LEO1: variants seen among roughly 807,000 people sequenced by gnomAD.
The protein encoded by LEO1 is RNA polymerase-associated protein LEO1.
In LEO1, 34 loss-of-function variants were observed where a neutral mutation model predicts 80.4. The observed-to-expected ratio is 0.42, with a 90% CI of 0.32 to 0.56. LEO1 has a LOEUF of 0.56. Ranked by LOEUF, LEO1 falls within the 20% of genes least tolerant of loss-of-function variation. LEO1 has a pLI of 0.10. For missense variants in LEO1, 631 were observed against 814.2 expected, an observed-to-expected ratio of 0.77 and a Z score of 2.74; for synonymous variants, 262 against 274.9, an observed-to-expected ratio of 0.95 and a Z score of 0.46.
chr15:51,962,944 A>C lies in LEO1; in HGVS notation c.815-451T>G, dbSNP rs545986336. 4.5e-4 allele frequency among the ~76,000 whole-genome samples: 65 copies of C among 144,940 alleles called. No individual in the cohort carries two copies. The East Asian group carries it at 0.012, about 26-fold the overall frequency. ...GAACATGCCCCCCCCCCAAAAAATT[A>C]ACTCTAGTGTGTGTTAATTTAAAAA... is the stretch of plus-strand genomic sequence containing the variant. On this transcript the variant is annotated intron_variant, in intron 2 of 11. Transcript: ENST00000299601.
chr15:51,954,326 G>A (rs1383659764), intron 7 of LEO1, among the ~76,000 whole-genome samples, 155 bp downstream of exon 7: 1 of 151,830 alleles, frequency 6.6e-6, no homozygotes, highest in African/African-American at 2.4e-5. Context: ...AGGCTCCACT[G>A]AGCTGTTATC....
Position 51,953,112 on chromosome 15 carries a change from A to G in LEO1, c.1475+17T>C, listed in dbSNP as rs758616625. ...CTTTTACCATAAGAAATAATACATA[A>G]TAATAATAACAGTTACCTGAAGGTG... On this transcript the variant is annotated intron_variant, in intron 8 of 11. Coordinates refer to ENST00000299601, the MANE Select transcript of LEO1 (RefSeq NM_138792.4). The G allele has an allele frequency of 5.6e-6, 9 of 1,597,928 alleles. No homozygotes were observed. The African/African-American group carries it at 9.4e-5, about 17-fold the overall frequency.
intron 4 of LEO1, 30 bp downstream of exon 4, chr15:51,960,609 T>C (rs1277509164): frequency 7.9e-7 from 1 of 1,273,458 alleles, no homozygotes; most frequent in Non-Finnish European, 1.1e-6. Flanking sequence ...TGCCTGGCCT[T>C]GAATAAGTTC....
chr15:51,947,418 AC>A, intron 10 of LEO1, 29 bp from the exon 11 acceptor site: 1 of 1,479,270 alleles, frequency 6.8e-7, no homozygotes, highest in Non-Finnish European at 9.2e-7. Context: ...ATTGTGAGTC[AC>A]CTTTTTTTTT....
chr15:51,956,150 G>A (rs1428676873), intron 6 of LEO1, among the ~76,000 whole-genome samples: 1 of 152,100 alleles, frequency 6.6e-6, no homozygotes, highest in Non-Finnish European at 1.5e-5. Context: ...CGGGTGCAGG[G>A]CTCACACCTG....
chr15:51,956,773 C>A (rs1390947571), intron 6 of LEO1, among the ~76,000 whole-genome samples: 1 of 152,134 alleles, frequency 6.6e-6, no homozygotes, highest in Non-Finnish European at 1.5e-5. Context: ...ATGTTAAACA[C>A]CAACATTTTG....
chr15:51,969,062 T>C (rs2057101404), intron 1 of LEO1, among the ~76,000 whole-genome samples: 2 of 152,048 alleles, frequency 1.3e-5, no homozygotes, highest in African/African-American at 4.8e-5. Flanking sequence ...TCTGCCTCCC[T>C]CAAGCGATTC....
At chr15:51,959,833 A>T (rs555217565) in intron 5 of LEO1, 66 bp downstream of exon 5, 2 of 1,383,082 alleles carry the variant, frequency 1.4e-6, no homozygotes, top group Admixed American at 2.6e-5. Context: ...AATGCGAAAT[A>T]AGAAAAATAA....
At chr15:51,960,903 GAAGGGGGCAAATCTAGTGAAAGGC>G (rs2057024907) in intron 3 of LEO1, among the ~76,000 whole-genome samples, 170 bp from the exon 4 acceptor site, 1 of 152,188 alleles carries the variant, frequency 6.6e-6, no homozygotes, top group Non-Finnish European at 1.5e-5. Flanking sequence ...TGGGGAGAGG[GAAGGGGGCAAATCTAGTGAAAGGC>G]AAGCTGCACA....
intron 1 of LEO1, among the ~76,000 whole-genome samples, chr15:51,969,986 T>A (rs753903689): frequency 1.4e-4 from 22 of 151,994 alleles, no homozygotes; most frequent in Non-Finnish European, 2.6e-4. Context: ...TTGGCAAAGA[T>A]GTGGGGAAAG....
intron 3 of LEO1, 87 bp downstream of exon 3, chr15:51,962,302 G>T: frequency 1.2e-6 from 1 of 838,262 alleles, no homozygotes; most frequent in African/African-American, 1.7e-5. Context: ...GCGATCTGGG[G>T]TAAACACACT....
chr15:51,946,600 A>G (rs2141749932), intron 11 of LEO1, among the ~76,000 whole-genome samples: 1 of 151,958 alleles, frequency 6.6e-6, no homozygotes, highest in Admixed American at 6.5e-5. Context: ...CTTTTGCCTA[A>G]GCTGGAGTGC....
At chr15:51,954,686 G>A (rs2056974589) in intron 6 of LEO1, 111 bp from the exon 7 acceptor site, 1 of 715,138 alleles carries the variant, frequency 1.4e-6, no homozygotes, top group African/African-American at 1.8e-5. Flanking sequence ...GGTGACAGAT[G>A]TATGTGTGGC....
At chr15:51,968,120 T>G (rs1263741648) in intron 1 of LEO1, among the ~76,000 whole-genome samples, 1 of 152,040 alleles carries the variant, frequency 6.6e-6, no homozygotes, top group Non-Finnish European at 1.5e-5. Context: ...GAGATGGAGG[T>G]TGCAGTGAGC....
chr15:51,958,243 C>T (rs2057004329), intron 6 of LEO1, among the ~76,000 whole-genome samples: 2 of 151,126 alleles, frequency 1.3e-5, no homozygotes, highest in South Asian at 2.1e-4. Context: ...ATCACTTGAG[C>T]TCAGAAGTTC....
chr15:51,956,003 A>G (rs1323066412), intron 6 of LEO1, among the ~76,000 whole-genome samples: 1 of 152,242 alleles, frequency 6.6e-6, no homozygotes, highest in Non-Finnish European at 1.5e-5. Flanking sequence ...TCATGGGCAC[A>G]TGAAAGAGTT....
chr15:51,948,483 T>C (rs2056920735), intron 10 of LEO1, among the ~76,000 whole-genome samples: 1 of 152,172 alleles, frequency 6.6e-6, no homozygotes, highest in Non-Finnish European at 1.5e-5. Context: ...AATAGGTAGG[T>C]AATATGTAAC....
At chr15:51,964,547 T>TA (rs567387816) in intron 2 of LEO1, among the ~76,000 whole-genome samples, 62,218 of 140,510 alleles carry the variant, frequency 0.44, 13,293 homozygotes, top group Admixed American at 0.53. Flanking sequence ...CTTAAAGTGT[T>TA]AAAAAAAAAA....
In LEO1 at chr15:51,966,514, C is replaced by A; in HGVS notation, c.59-10G>T. ...GATCCAGAATCAGAATCTATGGGGT[C>A]ATATAAACATAGGATAACATAAGCA... On this transcript the variant is annotated splice_polypyrimidine_tract_variant and intron_variant, in intron 1 of 11. Coordinates refer to ENST00000299601, the MANE Select transcript of LEO1 (RefSeq NM_138792.4). 1 of 1,465,016 alleles carries A rather than the reference C, an allele frequency of 6.8e-7. No individual in the cohort carries two copies. The highest frequency in any genetic ancestry group is 1.2e-5 in the South Asian group (1 of 83,864). The allele number at this position is 1,465,016 out of a possible 1,614,324, so 90.8% of individuals were successfully genotyped here. A position where few individuals can be genotyped will look rare whatever the true frequency, so the allele number is the denominator to read the frequency against.
Sources: allele counts gnomAD v4.1 joint callset (sites outside exome capture counted in the v4.1 genomes callset), GRCh38; gene constraint gnomAD v4.1.1; transcripts MANE v1.5; gene names NCBI Gene and HGNC (gene_info 2026-07-23, HGNC 2026-07-21).